The following KLHL18 variants were observed in gnomAD, a reference collection of about 807,000 sequenced individuals.
KLHL18 encodes the protein kelch-like protein 18.
Under a neutral mutation model 58.5 loss-of-function variants are expected in KLHL18, and 38 were observed. That is an observed-to-expected ratio of 0.65 (90% CI 0.50 to 0.85). The LOEUF is 0.85. KLHL18 is among the 40% of genes least tolerant of loss of function. The pLI, the probability that KLHL18 is intolerant of heterozygous loss-of-function variation, is 0.00. For synonymous variants in KLHL18, 303 were observed against 301.9 expected (o/e 1.00, Z -0.04); for missense variants, 624 against 778.4 (o/e 0.80, Z 2.36).
intron 7 of KLHL18, chr3:47,336,960 A>G: frequency 1.7e-6 from 1 of 572,604 alleles, no homozygotes; most frequent in African/African-American, 1.9e-5. Context: ...CCTTTGGGGA[A>G]CTTGGGGAGA....
intron 1 of KLHL18, among the ~76,000 whole-genome samples, chr3:47,294,666 C>G (rs2107584135): frequency 6.6e-6 from 1 of 152,202 alleles, no homozygotes; most frequent in African/African-American, 2.4e-5. Flanking sequence ...AGCACAGTTC[C>G]TTGCATGTGT....
At chr3:47,287,728 G>C (rs1354385660) in intron 1 of KLHL18, among the ~76,000 whole-genome samples, 1 of 151,942 alleles carries the variant, frequency 6.6e-6, no homozygotes, top group African/African-American at 2.4e-5. Flanking sequence ...CAAGTGATCT[G>C]CCTGCCTCGG....
At chr3:47,328,930 A>G (rs961965157) in intron 3 of KLHL18, among the ~76,000 whole-genome samples, 3 of 151,932 alleles carry the variant, frequency 2.0e-5, no homozygotes, top group East Asian at 1.9e-4. Flanking sequence ...CAGGAGTTCA[A>G]ACCTGCCTGG....
intron 1 of KLHL18, among the ~76,000 whole-genome samples, chr3:47,312,815 T>G (rs905879892): frequency 6.6e-6 from 1 of 152,094 alleles, no homozygotes; most frequent in Admixed American, 6.6e-5. Flanking sequence ...CTTAGTTTAG[T>G]CCTTTTTTTA....
intron 3 of KLHL18, among the ~76,000 whole-genome samples, chr3:47,325,031 C>T (rs780358621): frequency 6.6e-5 from 10 of 152,146 alleles, no homozygotes; most frequent in Non-Finnish European, 1.2e-4. Context: ...ACTCCAGAGC[C>T]ATGGCCTGCT....
chr3:47,328,450 G>A (rs974480543), intron 3 of KLHL18, among the ~76,000 whole-genome samples: 1 of 152,108 alleles, frequency 6.6e-6, no homozygotes, highest in African/African-American at 2.4e-5. Context: ...AGCCCTAAGA[G>A]GTGGGTAGCT....
At chr3:47,291,104 T>G (rs1386304405) in intron 1 of KLHL18, among the ~76,000 whole-genome samples, 1 of 152,190 alleles carries the variant, frequency 6.6e-6, no homozygotes, top group East Asian at 1.9e-4. Flanking sequence ...TGGGGATGTT[T>G]CTTAACTGCA....
chr3:47,298,661 C>G (rs988938381), intron 1 of KLHL18, among the ~76,000 whole-genome samples: 3 of 152,172 alleles, frequency 2.0e-5, no homozygotes, highest in African/African-American at 7.2e-5. Context: ...CAATACAGAG[C>G]TAGTTCATAA....
chr3:47,337,344 A>G, intron 7 of KLHL18: 2 of 158,822 alleles, frequency 1.3e-5, no homozygotes, highest in Admixed American at 5.8e-5. Context: ...AGTACATTCT[A>G]GCTACCTGCT....
Position 47,339,490 on chromosome 3 carries a change from CAAAAAAA to C in KLHL18, c.1122-1071_1122-1065del, listed in dbSNP as rs535713738. ...CTGATGATAGAGCAAGACCTCATCTCAAAAAAAAAAAAAAAAAGAAAATAACAAATGT... is the reference window on the plus strand; with the variant it reads ...CTGATGATAGAGCAAGACCTCATCTCAAAAAAAAAAGAAAATAACAAATGT... On this transcript the variant is annotated intron_variant, in intron 7 of 9. Coordinates refer to ENST00000232766, the MANE Select transcript of KLHL18 (RefSeq NM_025010.5). 6.4e-3 allele frequency among the ~76,000 whole-genome samples: 440 copies of C among 69,228 alleles called. 2 individuals carry two copies. Among genetic ancestry groups the C allele is most frequent in the African/African-American group, 0.022 (411 of 18,830 alleles). The allele number at this position is 69,228 out of a possible 152,430, so 45.4% of individuals were successfully genotyped here.
chr3:47,331,067 A>G (rs916712901), intron 4 of KLHL18, among the ~76,000 whole-genome samples: 1 of 151,974 alleles, frequency 6.6e-6, no homozygotes, highest in Non-Finnish European at 1.5e-5. Context: ...TCTTGTTCTA[A>G]GGAAGAACAG....
intron 1 of KLHL18, among the ~76,000 whole-genome samples, chr3:47,318,841 A>T (rs142824563): frequency 0.017 from 2,556 of 152,314 alleles, 26 homozygotes; most frequent in Non-Finnish European, 0.027. Context: ...TCCAACCTCA[A>T]TCCTTGGATA....
At chr3:47,301,854 G>A (rs1703032658) in intron 1 of KLHL18, among the ~76,000 whole-genome samples, 1 of 152,078 alleles carries the variant, frequency 6.6e-6, no homozygotes, top group African/African-American at 2.4e-5. Flanking sequence ...GGAGTGCAGT[G>A]GCATGATCAT....
intron 2 of KLHL18, among the ~76,000 whole-genome samples, 182 bp downstream of exon 2, chr3:47,319,965 A>C (rs1431010860): frequency 6.6e-6 from 1 of 152,174 alleles, no homozygotes; most frequent in Non-Finnish European, 1.5e-5. Context: ...GTTAAAATGA[A>C]GGGAGTTTTG....
At chr3:47,330,943 GCTGGTCTCGAATTCCTGAC>G (rs1431949054) in intron 4 of KLHL18, among the ~76,000 whole-genome samples, 2 of 151,572 alleles carry the variant, frequency 1.3e-5, no homozygotes, top group Non-Finnish European at 2.9e-5. Flanking sequence ...TGTTGGCGAG[GCTGGTCTCGAATTCCTGAC>G]CTCAAGTGAC....
intron 1 of KLHL18, among the ~76,000 whole-genome samples, chr3:47,303,787 C>T (rs1336844089): frequency 6.6e-6 from 1 of 152,080 alleles, no homozygotes; most frequent in African/African-American, 2.4e-5. Context: ...GACATGGCCT[C>T]TCTGTCACCT....
intron 7 of KLHL18, chr3:47,337,268 C>A (rs917270591): frequency 5.9e-6 from 1 of 169,054 alleles, no homozygotes; most frequent in African/African-American, 2.4e-5. Flanking sequence ...TTATTTAGGT[C>A]ACACACATTC....
intron 1 of KLHL18, among the ~76,000 whole-genome samples, chr3:47,315,588 A>G (rs1703401517): frequency 1.3e-5 from 2 of 152,202 alleles, no homozygotes; most frequent in South Asian, 4.1e-4. Flanking sequence ...CCAGAGAAAA[A>G]GTCCTGAAGA....
intron 1 of KLHL18, among the ~76,000 whole-genome samples, chr3:47,306,905 G>A (rs1168623895): frequency 6.6e-6 from 1 of 151,900 alleles, no homozygotes; most frequent in Admixed American, 6.6e-5. Flanking sequence ...CTTTTCCTTT[G>A]TTTTAGACCA....
Sources: gnomAD v4.1 joint callset for allele counts (sites outside exome capture counted in the v4.1 genomes callset) on GRCh38, gnomAD v4.1.1 for gene constraint, MANE v1.5 for transcripts, NCBI Gene and HGNC (gene_info 2026-07-23, HGNC 2026-07-21) for gene names.